The following TBCD variants were observed in gnomAD, a reference collection of about 807,000 sequenced individuals.
TBCD encodes the protein tubulin folding cofactor D, also known as tubulin-specific chaperone D.
A neutral mutation model predicts 169.3 loss-of-function variants in TBCD; 105 were observed. The ratio of observed to expected loss-of-function variants is 0.62; its 90% CI spans 0.53 to 0.73. The LOEUF (loss-of-function observed/expected upper bound fraction) is 0.73, where lower values mean the gene tolerates loss of function less well. Ranked by LOEUF, TBCD falls within the 30% of genes least tolerant of loss-of-function variation. The probability of loss-of-function intolerance (pLI) is 0.00; values close to 1 mark genes in which losing one functional copy is unlikely to be tolerated. For missense variants in TBCD, 1,444 were observed against 1,600.1 expected (o/e 0.90, Z 1.66); for synonymous variants, 700 against 643.9 (o/e 1.09, Z -1.32).
chr17:82,806,524 T>C lies in TBCD; in HGVS notation c.1087+513T>C, dbSNP rs895113033. Among the ~76,000 whole-genome samples the C allele has an allele frequency of 2.6e-5, 4 of 152,192 alleles. No individual in the cohort carries two copies. Among genetic ancestry groups the C allele is most frequent in the African/African-American group, 9.6e-5 (4 of 41,526 alleles). ...GCCCCTCATGGCGGCCATCCTGGGC[T>C]CCTGTCCACACACTGTCCTGCCCTC... On this transcript the variant is annotated intron_variant, in intron 10 of 38. Coordinates refer to ENST00000355528, the MANE Select transcript of TBCD (RefSeq NM_005993.5). The surrounding 1 kb of genome is among the most constrained non-coding windows in gnomAD (Gnocchi z 5.1).
intron 13 of TBCD, among the ~76,000 whole-genome samples, chr17:82,846,109 T>C (rs547664993): frequency 1.2e-3 from 181 of 151,846 alleles, no homozygotes; most frequent in Non-Finnish European, 2.0e-3. Flanking sequence ...TCTGCGCTTC[T>C]AAAGGGACTC....
At chr17:82,802,137 A>G (rs1276698806) in intron 9 of TBCD, among the ~76,000 whole-genome samples, 4 of 149,056 alleles carry the variant, frequency 2.7e-5, no homozygotes, top group African/African-American at 9.9e-5. Flanking sequence ...GGAGAAAGTG[A>G]AACCGCCTTT....
chr17:82,802,664 C>T (rs1729287758), intron 9 of TBCD, among the ~76,000 whole-genome samples: 1 of 152,216 alleles, frequency 6.6e-6, no homozygotes, highest in African/African-American at 2.4e-5. Context: ...GGAGGGCTTC[C>T]CCCCTCCTCA....
Position 82,903,537 on chromosome 17 carries a change from G to A in TBCD, c.1804+59G>A. 2.0e-6 allele frequency: 3 copies of A among 1,502,766 alleles called. No homozygotes were observed. Among genetic ancestry groups the A allele is most frequent in the Non-Finnish European group, 2.7e-6 (3 of 1,105,650 alleles). The allele number at this position is 1,502,766 out of a possible 1,614,324, so 93.1% of individuals were successfully genotyped here. On this transcript the variant is annotated intron_variant, in intron 19 of 38. Coordinates refer to ENST00000355528, the MANE Select transcript of TBCD (RefSeq NM_005993.5). The surrounding 1 kb of genome is among the most constrained non-coding windows in gnomAD (Gnocchi z 4.8). ...ATGCATGCACTGCAGAAAGGCCTGG[G>A]TTGCTGGTTTCAAAGGCTGGGGGCT... is the stretch of plus-strand genomic sequence containing the variant.
rs148795232 is a variant in TBCD, at chr17:82,835,270, G to A, written c.1318+20336G>A. ...GAGGCAGCTGTCCCTGAAGCAAGGC[G>A]CCACCCCTCCTCCCTGCACCCGTGT... On this transcript the variant is annotated intron_variant, in intron 13 of 38. Transcript: ENST00000355528. This position sits in a 1 kb window ranked among gnomAD's most constrained non-coding sequence, Gnocchi z 4.5. Among the ~76,000 whole-genome samples, 16 of 152,244 alleles carry A rather than the reference G, an allele frequency of 1.1e-4. No individual in the cohort carries two copies. In the East Asian group the frequency reaches 3.1e-3, roughly 29 times the overall value.
chr17:82,760,921 G>C (rs2047719537), intron 2 of TBCD, among the ~76,000 whole-genome samples: 1 of 151,822 alleles, frequency 6.6e-6, no homozygotes, highest in Non-Finnish European at 1.5e-5. Flanking sequence ...TGTCTATGAG[G>C]TTCACTGTGT....
intron 13 of TBCD, among the ~76,000 whole-genome samples, chr17:82,855,314 G>A (rs1025908904): frequency 8.1e-5 from 11 of 136,552 alleles, no homozygotes; most frequent in African/African-American, 2.7e-4. Context: ...ACGCTGGAGT[G>A]AGTGCCATGG....
At chr17:82,765,486 A>G (rs12452314) in intron 3 of TBCD, among the ~76,000 whole-genome samples, 40,062 of 148,872 alleles carry the variant, frequency 0.27, 5,963 homozygotes, top group East Asian at 0.44. Flanking sequence ...AGTTTTGACT[A>G]TGGAAGTACT....
intron 2 of TBCD, among the ~76,000 whole-genome samples, chr17:82,763,044 T>A (rs530037063): frequency 1.3e-5 from 2 of 152,312 alleles, no homozygotes; most frequent in South Asian, 2.1e-4. Flanking sequence ...TGTTGTTGGG[T>A]AGATTGTTCT....
intron 13 of TBCD, among the ~76,000 whole-genome samples, chr17:82,849,901 T>C (rs146657952): frequency 0.11 from 16,621 of 147,568 alleles, 1,193 homozygotes; most frequent in South Asian, 0.3. Context: ...GGCTGTGCTG[T>C]TGTTGGCTGT....
At position 82,830,248 on chromosome 17, in the gene TBCD, C is replaced by G. The variant is rs373645501; in HGVS notation, c.1318+15314C>G. ...TTTTCCAGCATCCCTTAGACTTGTC[C>G]TCTTTTGTCCTTTGGGTCTGAGGTC... is the stretch of plus-strand genomic sequence containing the variant. On this transcript the variant is annotated intron_variant, in intron 13 of 38. Coordinates refer to ENST00000355528, the MANE Select transcript of TBCD (RefSeq NM_005993.5). The G allele has an allele frequency of 2.5e-5, 41 of 1,614,140 alleles. No individual in the cohort carries two copies. Among genetic ancestry groups the G allele is most frequent in the Non-Finnish European group, 3.5e-5 (41 of 1,180,060 alleles).
chr17:82,847,365 A>G, intron 13 of TBCD, among the ~76,000 whole-genome samples: 1 of 150,108 alleles, frequency 6.7e-6, no homozygotes, highest in South Asian at 2.1e-4. Flanking sequence ...AGAAAAAAAA[A>G]AAAAAAAAAA....
chr17:82,767,386 A>G (rs2048067003), intron 4 of TBCD, among the ~76,000 whole-genome samples: 1 of 151,946 alleles, frequency 6.6e-6, no homozygotes. Flanking sequence ...GTTTTTTACT[A>G]ATTACTGAAA....
Position 82,806,128 on chromosome 17 carries a change from C to A in TBCD, c.1087+117C>A. On this transcript the variant is annotated intron_variant, in intron 10 of 38. Transcript: ENST00000355528. The surrounding 1 kb of genome is among the most constrained non-coding windows in gnomAD (Gnocchi z 5.1). ...GTGCCGGCACTGTCTGGCCACCCGTCCCCTTCGCTGAGTGCACGGTCACTG... is the reference window on the plus strand; with the variant it reads ...GTGCCGGCACTGTCTGGCCACCCGTACCCTTCGCTGAGTGCACGGTCACTG... The A allele has an allele frequency of 1.4e-6, 2 of 1,409,250 alleles. No individual in the cohort carries two copies. The highest frequency in any genetic ancestry group is 1.9e-6 in the Non-Finnish European group (2 of 1,042,522). The allele number at this position is 1,409,250 out of a possible 1,614,324, so 87.3% of individuals were successfully genotyped here.
intron 38 of TBCD, 157 bp from the exon 39 acceptor site, chr17:82,942,292 A>T: frequency 9.5e-7 from 1 of 1,048,726 alleles, no homozygotes. Context: ...TGTCAGCCAC[A>T]TAGCTCAGGC....
chr17:82,781,731 G>A lies in TBCD; in HGVS notation c.771+10G>A, dbSNP rs779655811. ...GACGCTGCAGGCCCTGGTAAGTGCT[G>A]CCCGCAGGGGCTGTGGAGATCGCAG... On this transcript the variant is annotated intron_variant, in intron 7 of 38. Coordinates refer to ENST00000355528, the MANE Select transcript of TBCD (RefSeq NM_005993.5). The A allele has an allele frequency of 6.2e-7, 1 of 1,613,052 alleles. No individual in the cohort carries two copies. The highest frequency in any genetic ancestry group is 1.1e-5 in the South Asian group (1 of 91,062).
chr17:82,773,011 T>G (rs2048382945), intron 6 of TBCD, among the ~76,000 whole-genome samples: 1 of 152,178 alleles, frequency 6.6e-6, no homozygotes, highest in African/African-American at 2.4e-5. Flanking sequence ...AGGATGTGTG[T>G]ATAGACTGAG....
At chr17:82,940,219 GCGCACACACACACA>G (rs2063023656) in intron 37 of TBCD, among the ~76,000 whole-genome samples, 1 of 94,524 alleles carries the variant, frequency 1.1e-5, no homozygotes, top group Non-Finnish European at 2.6e-5. Flanking sequence ...ACTTGCACGC[GCGCACACACACACA>G]CACACACACA....
At position 82,939,402 on chromosome 17, in the gene TBCD, A is replaced by G. The variant is rs1265024453; in HGVS notation, c.3405A>G (p.Thr1135=). Residue 1135 remains threonine, a synonymous_variant, in exon 37 of 39, where the codon ACA becomes ACG. Transcript: ENST00000355528. ...CCACGGCCAGCCAGGTGTACGAGAC[A>G]TTGCTCACCTACAGTGACGTCGTGG... The part of the protein sequence containing the change: ...RKTTASQVYE[T]LLTYSDVVGA... 1.2e-6 allele frequency: 2 copies of G among 1,613,440 alleles called. No homozygotes were observed. Among genetic ancestry groups the G allele is most frequent in the Non-Finnish European group, 1.7e-6 (2 of 1,179,814 alleles).
Sources: allele counts gnomAD v4.1 joint callset (sites outside exome capture counted in the v4.1 genomes callset), GRCh38; gene constraint gnomAD v4.1.1; non-coding constraint Gnocchi (gnomAD v3.1); transcripts MANE v1.5; gene names NCBI Gene and HGNC (gene_info 2026-07-23, HGNC 2026-07-21).